The following FAM131C variants were observed in gnomAD, a reference collection of about 807,000 sequenced individuals.
FAM131C encodes family with sequence similarity 131 member C.
A neutral mutation model predicts 29.8 loss-of-function variants in FAM131C; 14 were observed. The observed-to-expected ratio is 0.47, with a 90% CI of 0.31 to 0.73. The LOEUF is 0.73. Ranked by LOEUF, FAM131C falls within the 30% of genes least tolerant of loss-of-function variation. The pLI is 0.05. For synonymous variants in FAM131C, 86 were observed against 157.8 expected (o/e 0.54, Z 3.41); for missense variants, 252 against 383.8 (o/e 0.66, Z 2.87).
At position 16,058,460 on chromosome 1, in the gene FAM131C, C is replaced by G. The variant is rs2023519997; in HGVS notation, c.820G>C (p.Glu274Gln). 5 of 1,476,400 alleles carry G rather than the reference C, an allele frequency of 3.4e-6. No individual in the cohort carries two copies. Among genetic ancestry groups the G allele is most frequent in the Non-Finnish European group, 2.7e-6 (3 of 1,116,974 alleles). 91.5% of individuals were successfully genotyped at this position (1,476,400 alleles called of 1,614,324 possible). ...PSMDSGSLWE[E>Q]DEVFYN is the part of the protein sequence containing the mutation. Reference sequence around the variant, plus strand: ...CCTCAGTTATAGAACACCTCGTCCTCCTCCCAGAGGGAGCCGCTGTCCATG... The same window carrying G: ...CCTCAGTTATAGAACACCTCGTCCTGCTCCCAGAGGGAGCCGCTGTCCATG... The change falls in exon 7 of 7, where the codon GAG (glutamate) becomes CAG (glutamine). Residue 274 changes from glutamate to glutamine, a missense_variant. Coordinates refer to ENST00000375662, the MANE Select transcript of FAM131C (RefSeq NM_182623.3).
At chr1:16,060,385 C>A (rs376125722) in intron 4 of FAM131C, among the ~76,000 whole-genome samples, 2 of 133,984 alleles carry the variant, frequency 1.5e-5, no homozygotes, top group Non-Finnish European at 3.4e-5. Context: ...ATCGGCCACA[C>A]CCCTCACTCC....
rs146657664 is a variant in FAM131C at position 16,057,838 on chromosome 1, G to T, written c.*599C>A. The T allele has an allele frequency of 0.047, 7,618 of 162,358 alleles. 132 individuals carry two copies. Among genetic ancestry groups the T allele is most frequent in the Non-Finnish European group, 0.071 (5,231 of 73,806 alleles). 10.1% of individuals were successfully genotyped at this position (162,358 alleles called of 1,614,324 possible). On this transcript the variant is annotated 3_prime_UTR_variant, in exon 7 of 7. Transcript: ENST00000375662. ...TGAGATGGGAGGGAGCCGCAAGGAG[G>T]GGGAGTGGGCTCCCAGGGGTGAGGA... is the stretch of plus-strand genomic sequence containing the variant.
At chr1:16,062,955 C>T (rs890830681) in intron 2 of FAM131C, among the ~76,000 whole-genome samples, 15 of 152,258 alleles carry the variant, frequency 9.9e-5, no homozygotes, top group Non-Finnish European at 2.1e-4. Context: ...GAGGGGTGTG[C>T]CGCTGGGGAG....
rs920063102 is a variant in FAM131C at position 16,073,581 on chromosome 1, T to C, written c.-139A>G. The C allele has an allele frequency of 3.5e-5, 11 of 309,910 alleles. No individual in the cohort carries two copies. The highest frequency in any genetic ancestry group is 2.8e-4 in the Admixed American group (5 of 18,180). 19.2% of individuals were successfully genotyped at this position (309,910 alleles called of 1,614,324 possible). A position where few individuals can be genotyped will look rare whatever the true frequency, so the allele number is the denominator to read the frequency against. On this transcript the variant is annotated 5_prime_UTR_variant, in exon 1 of 7. Coordinates refer to ENST00000375662, the MANE Select transcript of FAM131C (RefSeq NM_182623.3). ...GGGCTCGGGCGCCCTCAGCTCGGCC[T>C]CAGCTCCAGCCTGGGTCGTCCCTGC...
intron 1 of FAM131C, among the ~76,000 whole-genome samples, chr1:16,064,561 T>C (rs9442234): frequency 0.56 from 85,381 of 151,872 alleles, 26,181 homozygotes; most frequent in African/African-American, 0.79. Context: ...TGCTGCGATG[T>C]GTCTTGGGCT....
At chr1:16,072,561 G>A (rs952692669) in intron 1 of FAM131C, among the ~76,000 whole-genome samples, 1 of 152,108 alleles carries the variant, frequency 6.6e-6, no homozygotes, top group African/African-American at 2.4e-5. Flanking sequence ...CAGCCCAATC[G>A]CTTGTCTAAA....
At chr1:16,060,736 C>T (rs187788518) in intron 4 of FAM131C, among the ~76,000 whole-genome samples, 199 of 152,232 alleles carry the variant, frequency 1.3e-3, no homozygotes, top group African/African-American at 4.3e-3. Context: ...TAGGACTGGG[C>T]GGCAGGAGAA....
intron 6 of FAM131C, 121 bp from the exon 7 acceptor site, chr1:16,058,838 C>A: frequency 8.7e-7 from 1 of 1,147,638 alleles, no homozygotes; most frequent in Non-Finnish European, 1.2e-6. Context: ...ATGTGACGGC[C>A]GAGCCTTGTG....
At chr1:16,069,709 T>C (rs1272048246) in intron 1 of FAM131C, among the ~76,000 whole-genome samples, 2 of 152,216 alleles carry the variant, frequency 1.3e-5, no homozygotes, top group African/African-American at 4.8e-5. Flanking sequence ...CCCCAACAAA[T>C]AGGGACCATT....
At chr1:16,072,727 G>C (rs535524495) in intron 1 of FAM131C, among the ~76,000 whole-genome samples, 8 of 152,226 alleles carry the variant, frequency 5.3e-5, no homozygotes, top group African/African-American at 1.9e-4. Context: ...TGGGCCCCCA[G>C]GCAAGGGCAG....
At chr1:16,073,336 C>T in intron 1 of FAM131C, 85 bp downstream of exon 1, 2 of 790,244 alleles carry the variant, frequency 2.5e-6, no homozygotes, top group Non-Finnish European at 3.4e-6. Context: ...GGGTCGCCAG[C>T]CCCATCCCCC....
rs535293984 is a variant in FAM131C, at chr1:16,070,303, A to G, written c.22+3118T>C. Among the ~76,000 whole-genome samples, 18 of 152,358 alleles carry G rather than the reference A, an allele frequency of 1.2e-4. 1 individual carries two copies. The South Asian group carries it at 3.7e-3, about 32-fold the overall frequency. On this transcript the variant is annotated intron_variant, in intron 1 of 6. Coordinates refer to ENST00000375662, the MANE Select transcript of FAM131C (RefSeq NM_182623.3). ...TCAACAAACGGTAGCTTAAAAATAG[A>G]TAATGAATGCAAAATAGCTCCTGGA...
chr1:16,073,406 G>T lies in FAM131C; in HGVS notation c.22+15C>A. ...CCGGCACCCGATCCCCCCGCCCCCG[G>T]CCGGGCCCCCTCACCTCGCGACACG... On this transcript the variant is annotated intron_variant, in intron 1 of 6. Coordinates refer to ENST00000375662, the MANE Select transcript of FAM131C (RefSeq NM_182623.3). 1.7e-6 allele frequency: 2 copies of T among 1,207,956 alleles called. No homozygotes were observed. The highest frequency in any genetic ancestry group is 2.1e-6 in the Non-Finnish European group (2 of 970,700). 74.8% of individuals were successfully genotyped at this position (1,207,956 alleles called of 1,614,324 possible).
Position 16,058,768 on chromosome 1 carries a change from C to G in FAM131C, c.563-51G>C, listed in dbSNP as rs537440717. On this transcript the variant is annotated intron_variant, in intron 6 of 6. Transcript: ENST00000375662. ...GAATGGCGTCCCAGATCCAGCTCCT[C>G]GCCCTCTCTGGGGGTGTGAGAAAGG... The G allele has an allele frequency of 5.8e-5, 84 of 1,436,086 alleles. 8 individuals carry two copies. Among genetic ancestry groups the G allele is most frequent in the Non-Finnish European group, 7.1e-5 (76 of 1,067,148 alleles). The allele number at this position is 1,436,086 out of a possible 1,614,324, so 89.0% of individuals were successfully genotyped here. A position where few individuals can be genotyped will look rare whatever the true frequency, so the allele number is the denominator to read the frequency against.
intron 3 of FAM131C, 78 bp from the exon 4 acceptor site, chr1:16,062,270 C>T (rs1171346524): frequency 3.0e-5 from 46 of 1,530,306 alleles, no homozygotes; most frequent in Non-Finnish European, 3.8e-5. Flanking sequence ...CCACCCATCC[C>T]CGTCTCCCAG....
chr1:16,068,332 C>T (rs1419564944), intron 1 of FAM131C, among the ~76,000 whole-genome samples: 1 of 152,238 alleles, frequency 6.6e-6, no homozygotes. Context: ...TAATACCAGC[C>T]CAGAAAGGGC....
chr1:16,070,561 G>A (rs1435895242), intron 1 of FAM131C, among the ~76,000 whole-genome samples: 1 of 152,216 alleles, frequency 6.6e-6, no homozygotes, highest in Non-Finnish European at 1.5e-5. Context: ...GGAGGCCGAG[G>A]TGGGAGGGTG....
At chr1:16,072,796 C>G (rs2023766504) in intron 1 of FAM131C, among the ~76,000 whole-genome samples, 1 of 151,920 alleles carries the variant, frequency 6.6e-6, no homozygotes, top group Non-Finnish European at 1.5e-5. Context: ...AGGTCAGACA[C>G]AGAGAGAAAG....
rs937552208 is a variant in FAM131C at position 16,073,576 on chromosome 1, C to A, written c.-134G>T. The A allele has an allele frequency of 3.0e-6, 1 of 331,666 alleles. No homozygotes were observed. Among genetic ancestry groups the A allele is most frequent in the Non-Finnish European group, 4.9e-6 (1 of 203,542 alleles). 20.5% of individuals were successfully genotyped at this position (331,666 alleles called of 1,614,324 possible). A position where few individuals can be genotyped will look rare whatever the true frequency, so the allele number is the denominator to read the frequency against. ...GCGGGGGGCTCGGGCGCCCTCAGCT[C>A]GGCCTCAGCTCCAGCCTGGGTCGTC... On this transcript the variant is annotated 5_prime_UTR_variant, in exon 1 of 7. Coordinates refer to ENST00000375662, the MANE Select transcript of FAM131C (RefSeq NM_182623.3).
Sources: allele counts gnomAD v4.1 joint callset (sites outside exome capture counted in the v4.1 genomes callset), GRCh38; gene constraint gnomAD v4.1.1; transcripts MANE v1.5; gene names NCBI Gene and HGNC (gene_info 2026-07-23, HGNC 2026-07-21).